The following DENND1A variants were observed in gnomAD, a reference collection of about 807,000 sequenced individuals.
DENND1A encodes the protein DENN domain containing 1A, also known as DENN domain-containing protein 1A.
A neutral mutation model predicts 113.7 loss-of-function variants in DENND1A; 51 were observed. The observed-to-expected ratio is 0.45, with a 90% CI of 0.36 to 0.57. The LOEUF is 0.57. Among genes scored for constraint, DENND1A ranks in the 20% least tolerant of loss-of-function variants. The pLI is 0.00. For missense variants in DENND1A, 1,258 were observed against 1,395.9 expected, an observed-to-expected ratio of 0.90 and a Z score of 1.57; for synonymous variants, 565 against 570.8, an observed-to-expected ratio of 0.99 and a Z score of 0.14.
At chr9:123,496,733 T>C (rs1459382960) in intron 13 of DENND1A, among the ~76,000 whole-genome samples, 1 of 152,108 alleles carries the variant, frequency 6.6e-6, no homozygotes, top group Non-Finnish European at 1.5e-5. Context: ...TTCAGGACTG[T>C]GATAAAATTT....
At chr9:123,926,866 C>T (rs543177953) in intron 1 of DENND1A, among the ~76,000 whole-genome samples, 129 of 150,840 alleles carry the variant, frequency 8.6e-4, no homozygotes, top group Non-Finnish European at 1.5e-3. Flanking sequence ...CAGCATGGTA[C>T]GGGACACAGA....
At chr9:123,564,347 T>G (rs1484942916) in intron 12 of DENND1A, among the ~76,000 whole-genome samples, 1 of 152,254 alleles carries the variant, frequency 6.6e-6, no homozygotes, top group African/African-American at 2.4e-5. Flanking sequence ...TTTCCATCAA[T>G]GCTGGCACCT....
At chr9:123,711,539 A>ATATATATATATATATAT (rs1589767888) in intron 5 of DENND1A, among the ~76,000 whole-genome samples, 6 of 134,606 alleles carry the variant, frequency 4.5e-5, no homozygotes, top group Admixed American at 7.8e-5. Flanking sequence ...ATATATATAT[A>ATATATATATATATATAT]AATTCAACAA....
chr9:123,585,271 G>A (rs1388474451), intron 11 of DENND1A, among the ~76,000 whole-genome samples: 1 of 152,152 alleles, frequency 6.6e-6, no homozygotes, highest in Non-Finnish European at 1.5e-5. Flanking sequence ...ACAGAGGAGG[G>A]ACACAATTGC....
At chr9:123,677,920 A>G (rs947281588) in intron 5 of DENND1A, among the ~76,000 whole-genome samples, 2 of 149,548 alleles carry the variant, frequency 1.3e-5, no homozygotes, top group African/African-American at 5.0e-5. Context: ...TGCTCCCCTC[A>G]CTCCTCTCAC....
intron 5 of DENND1A, among the ~76,000 whole-genome samples, chr9:123,689,149 C>CA (rs1447065565): frequency 6.6e-6 from 1 of 152,156 alleles, no homozygotes; most frequent in Non-Finnish European, 1.5e-5. Context: ...CTCAGCCTCC[C>CA]AAGTAGCTGG....
At chr9:123,872,437 T>G (rs948112275) in intron 2 of DENND1A, among the ~76,000 whole-genome samples, 2 of 152,144 alleles carry the variant, frequency 1.3e-5, no homozygotes, top group African/African-American at 4.8e-5. Flanking sequence ...TAGGGAAAGC[T>G]TAATGAATAA....
At chr9:123,793,262 T>C (rs182959151) in intron 2 of DENND1A, among the ~76,000 whole-genome samples, 2 of 152,264 alleles carry the variant, frequency 1.3e-5, no homozygotes, top group Non-Finnish European at 2.9e-5. Context: ...TCAGAAACTA[T>C]ACAAATACAT....
intron 1 of DENND1A, among the ~76,000 whole-genome samples, chr9:123,886,415 C>T (rs535676615): frequency 6.2e-4 from 94 of 152,198 alleles, no homozygotes; most frequent in African/African-American, 2.2e-3. Context: ...GTTATTAGGA[C>T]CCCTTACTCA....
intron 1 of DENND1A, among the ~76,000 whole-genome samples, chr9:123,892,817 A>G (rs574464124): frequency 3.5e-4 from 54 of 152,318 alleles, no homozygotes; most frequent in African/African-American, 1.1e-3. Context: ...CCCTGTCTCT[A>G]CTAAAAATAC....
chr9:123,918,425 T>C (rs1021923190), intron 1 of DENND1A, among the ~76,000 whole-genome samples: 2 of 151,008 alleles, frequency 1.3e-5, no homozygotes, highest in Non-Finnish European at 2.9e-5. Flanking sequence ...GAGGCGGAGC[T>C]TGCAGTGAGC....
chr9:123,733,072 C>G (rs2068294450), intron 5 of DENND1A, among the ~76,000 whole-genome samples: 1 of 151,996 alleles, frequency 6.6e-6, no homozygotes, highest in Admixed American at 6.6e-5. Context: ...ACCTCTGCCT[C>G]CTGGGTTCAA....
intron 1 of DENND1A, among the ~76,000 whole-genome samples, chr9:123,926,241 T>C (rs1857071272): frequency 2.0e-5 from 3 of 152,176 alleles, no homozygotes; most frequent in African/African-American, 4.8e-5. Context: ...TAAATGTTGA[T>C]TTGAGGCAAG....
At chr9:123,652,898 C>T (rs1010088004) in intron 8 of DENND1A, among the ~76,000 whole-genome samples, 4 of 151,962 alleles carry the variant, frequency 2.6e-5, no homozygotes, top group African/African-American at 9.7e-5. Context: ...CTTCAGATTT[C>T]AGAAAAAAAA....
intron 1 of DENND1A, among the ~76,000 whole-genome samples, chr9:123,927,573 C>T (rs1489903111): frequency 6.6e-6 from 1 of 152,192 alleles, no homozygotes; most frequent in African/African-American, 2.4e-5. Context: ...ACAGTCCTCC[C>T]CATTTTACCT....
At chr9:123,843,870 C>T (rs954173139) in intron 2 of DENND1A, among the ~76,000 whole-genome samples, 2 of 152,042 alleles carry the variant, frequency 1.3e-5, no homozygotes, top group Admixed American at 6.6e-5. Context: ...AAATAAAGTA[C>T]TTACGATAGA....
In DENND1A at chr9:123,757,602, G is replaced by GA. The variant is rs1430847817; in HGVS notation, c.302+100dup. 9.9e-6 allele frequency: 15 copies of GA among 1,521,118 alleles called. No homozygotes were observed. The East Asian group carries it at 2.3e-4, about 23-fold the overall frequency. 94.2% of individuals were successfully genotyped at this position (1,521,118 alleles called of 1,614,324 possible). ...GCAGTGACTTGTGGGAAACAGATAG[G>GA]AAAATGAAATGAACAGCTGGAAGAT... On this transcript the variant is annotated intron_variant, in intron 5 of 23. Coordinates refer to ENST00000394215, the MANE Select transcript of DENND1A (RefSeq NM_001352964.2).
Position 123,421,254 on chromosome 9 carries a change from C to T in DENND1A, c.1489-9425G>A, listed in dbSNP as rs1053488389. On this transcript the variant is annotated intron_variant, in intron 19 of 23. Transcript: ENST00000394215. The stretch of plus-strand genomic sequence containing the variant: ...ATCTACATGCGAGGTCTCTATTCAT[C>T]TCAGCAACCCTCCAAGAATGTGAAA... 2.6e-5 allele frequency among the ~76,000 whole-genome samples: 4 copies of T among 151,680 alleles called. No individual in the cohort carries two copies. In the East Asian group the frequency reaches 7.8e-4, roughly 29 times the overall value.
At chr9:123,894,456 C>T (rs555129103) in intron 1 of DENND1A, among the ~76,000 whole-genome samples, 1 of 152,124 alleles carries the variant, frequency 6.6e-6, no homozygotes, top group Non-Finnish European at 1.5e-5. Context: ...AACAGCCAAA[C>T]ATGGGCTGTT....
Sources: allele counts gnomAD v4.1 joint callset (sites outside exome capture counted in the v4.1 genomes callset), GRCh38; gene constraint gnomAD v4.1.1; transcripts MANE v1.5; gene names NCBI Gene and HGNC (gene_info 2026-07-23, HGNC 2026-07-21).